Variants in ITPRID1 observed in about 807,000 individuals in gnomAD.
The protein encoded by ITPRID1 is protein ITPRID1.
In ITPRID1, 96 loss-of-function variants were observed where a neutral mutation model predicts 95.4. The observed-to-expected ratio is 1.01, with a 90% confidence interval of 0.85 to 1.19. The LOEUF (loss-of-function observed/expected upper bound fraction) is 1.19. Ranked by LOEUF, ITPRID1 falls within the 50% of genes most tolerant of loss-of-function variation. The pLI is 0.00. For synonymous variants in ITPRID1, 510 were observed against 453.6 expected, an observed-to-expected ratio of 1.12 and a Z score of -1.58; for missense variants, 1,339 against 1,252.9, an observed-to-expected ratio of 1.07 and a Z score of -1.04.
chr7:31,604,956 T>C (rs1170639140), intron 10 of ITPRID1, among the ~76,000 whole-genome samples: 2 of 151,934 alleles, frequency 1.3e-5, no homozygotes, highest in Admixed American at 6.6e-5. Flanking sequence ...GCCAATATGG[T>C]GAAACCTCAT....
At chr7:31,570,382 T>C (rs1784943841) in intron 6 of ITPRID1, among the ~76,000 whole-genome samples, 1 of 152,176 alleles carries the variant, frequency 6.6e-6, no homozygotes, top group South Asian at 2.1e-4. Context: ...TATTTGTGCA[T>C]GTCCTTCAGA....
intron 1 of ITPRID1, among the ~76,000 whole-genome samples, chr7:31,524,794 A>G (rs766563058): frequency 3.3e-5 from 5 of 152,188 alleles, no homozygotes; most frequent in Admixed American, 6.5e-5. Flanking sequence ...TATTGTAACT[A>G]TTTGTTTATG....
At position 31,538,576 on chromosome 7, in the gene ITPRID1, G is replaced by T. The variant is rs147475538; in HGVS notation, c.-97-10850G>T. On this transcript the variant is annotated intron_variant, in intron 1 of 14. Transcript: ENST00000615280. ...TCTTCAATCTTTCTTTGTCTTTCAT[G>T]ACATTAACAAATTTAAAATACAACA... 2.1e-3 allele frequency among the ~76,000 whole-genome samples: 326 copies of T among 152,044 alleles called. 1 individual carries two copies. The highest frequency in any genetic ancestry group is 7.2e-3 in the African/African-American group (299 of 41,478).
chr7:31,601,506 C>T (rs1786391212), intron 10 of ITPRID1, among the ~76,000 whole-genome samples: 1 of 152,092 alleles, frequency 6.6e-6, no homozygotes, highest in Non-Finnish European at 1.5e-5. Context: ...CTCTGACTTG[C>T]CTTGAATCCT....
At chr7:31,537,130 TG>T (rs1783787424) in intron 1 of ITPRID1, among the ~76,000 whole-genome samples, 1 of 148,496 alleles carries the variant, frequency 6.7e-6, no homozygotes, top group African/African-American at 2.4e-5. Context: ...TGTGTGTGTG[TG>T]TGTTTCCCCT....
rs111856147 is a variant in ITPRID1, at chr7:31,531,747, T to C, written c.-98+17627T>C. Reference sequence around the variant, plus strand: ...ATTAAGATCCATGGGTGTTTTTCTTTAGGCTTTCCCACAGGGGTTGTGGAT... The same window carrying C: ...ATTAAGATCCATGGGTGTTTTTCTTCAGGCTTTCCCACAGGGGTTGTGGAT... On this transcript the variant is annotated intron_variant, in intron 1 of 14. Transcript: ENST00000615280. Among the ~76,000 whole-genome samples the C allele has an allele frequency of 5.7e-3, 861 of 152,278 alleles. 3 individuals carry two copies. Among genetic ancestry groups the C allele is most frequent in the Middle Eastern group, 0.014 (4 of 294 alleles).
intron 10 of ITPRID1, among the ~76,000 whole-genome samples, chr7:31,600,530 A>G (rs1322337661): frequency 6.6e-6 from 1 of 152,242 alleles, no homozygotes; most frequent in Non-Finnish European, 1.5e-5. Flanking sequence ...AGTAAAATGT[A>G]TGCTCCTACA....
chr7:31,557,238 C>CATTCTAA (rs1784477939), intron 5 of ITPRID1, among the ~76,000 whole-genome samples: 2 of 152,066 alleles, frequency 1.3e-5, no homozygotes, highest in African/African-American at 4.8e-5. Context: ...AGAATTCATT[C>CATTCTAA]TAAGGCTGGT....
intron 10 of ITPRID1, among the ~76,000 whole-genome samples, chr7:31,611,882 A>C (rs1310101773): frequency 6.6e-6 from 1 of 151,810 alleles, no homozygotes; most frequent in African/African-American, 2.4e-5. Flanking sequence ...GGTTCTGTAC[A>C]TTGTTTCTCA....
At chr7:31,620,128 C>T (rs12701128) in intron 10 of ITPRID1, among the ~76,000 whole-genome samples, 56,004 of 152,106 alleles carry the variant, frequency 0.37, 10,859 homozygotes, top group Middle Eastern at 0.46. Flanking sequence ...GTGGAGCCCA[C>T]CACAGCTCAA....
chr7:31,613,069 T>TA (rs1380002705), intron 10 of ITPRID1, among the ~76,000 whole-genome samples: 1 of 152,148 alleles, frequency 6.6e-6, no homozygotes, highest in Non-Finnish European at 1.5e-5. Flanking sequence ...AGCTTCCAGA[T>TA]AGGCCTAATA....
At chr7:31,640,614 ACTGT>A (rs1310430303) in intron 10 of ITPRID1, among the ~76,000 whole-genome samples, 5 of 151,276 alleles carry the variant, frequency 3.3e-5, no homozygotes, top group South Asian at 2.1e-4. Flanking sequence ...GCTGTCTGTA[ACTGT>A]CTGAGGTCCA....
At chr7:31,599,690 C>CTTTCTTTCTT (rs1554290643) in intron 10 of ITPRID1, among the ~76,000 whole-genome samples, 2 of 106,646 alleles carry the variant, frequency 1.9e-5, no homozygotes, top group African/African-American at 4.4e-5. Flanking sequence ...CTCTCTCTCT[C>CTTTCTTTCTT]TCTTTCTTTC....
At chr7:31,598,398 CTTTTT>C in intron 10 of ITPRID1, among the ~76,000 whole-genome samples, 1 of 106,838 alleles carries the variant, frequency 9.4e-6, no homozygotes, top group African/African-American at 3.7e-5. Context: ...TTTTTTTTTT[CTTTTT>C]TTTTTTTTTT....
intron 2 of ITPRID1, chr7:31,552,028 A>G: frequency 5.6e-6 from 2 of 358,848 alleles, no homozygotes; most frequent in East Asian, 9.3e-5. Context: ...CTAGAGATAC[A>G]TAAATGAGTA....
chr7:31,590,661 G>A (rs1012161859), intron 10 of ITPRID1, among the ~76,000 whole-genome samples: 3 of 152,116 alleles, frequency 2.0e-5, no homozygotes, highest in African/African-American at 7.2e-5. Flanking sequence ...GGAGAACACT[G>A]TTTCCCTGCT....
chr7:31,529,755 C>T, intron 1 of ITPRID1: 1 of 1,534,470 alleles, frequency 6.5e-7, no homozygotes, highest in Non-Finnish European at 8.7e-7. Flanking sequence ...CAGAAGATCT[C>T]CACACATACT....
intron 10 of ITPRID1, among the ~76,000 whole-genome samples, chr7:31,591,249 A>AG (rs1785853342): frequency 6.7e-6 from 1 of 149,244 alleles, no homozygotes. Flanking sequence ...ATTGGTAGAG[A>AG]GTTTTTTCTT....
intron 10 of ITPRID1, among the ~76,000 whole-genome samples, chr7:31,604,662 G>A (rs1399659096): frequency 6.6e-6 from 1 of 152,106 alleles, no homozygotes; most frequent in African/African-American, 2.4e-5. Flanking sequence ...CCCACCCCTA[G>A]AACTATGCTA....
Sources: gnomAD v4.1 joint callset for allele counts (sites outside exome capture counted in the v4.1 genomes callset) on GRCh38, gnomAD v4.1.1 for gene constraint, MANE v1.5 for transcripts, NCBI Gene and HGNC (gene_info 2026-07-23, HGNC 2026-07-21) for gene names.